Variants in OSBPL2 observed in about 807,000 individuals in gnomAD.
OSBPL2 encodes the protein oxysterol-binding protein-related protein 2.
A neutral mutation model predicts 58.4 loss-of-function variants in OSBPL2; 18 were observed. The observed-to-expected ratio is 0.31, with a 90% confidence interval of 0.21 to 0.46. The LOEUF (loss-of-function observed/expected upper bound fraction) is 0.46. Ranked by LOEUF, OSBPL2 falls within the 20% of genes least tolerant of loss-of-function variation. The probability of loss-of-function intolerance (pLI) is 1.00; values close to 1 mark genes in which losing one functional copy is unlikely to be tolerated. For missense variants in OSBPL2, 461 were observed against 616.5 expected, an observed-to-expected ratio of 0.75 and a Z score of 2.67; for synonymous variants, 221 against 234.1, an observed-to-expected ratio of 0.94 and a Z score of 0.51.
rs567885464 is a variant in OSBPL2, at chr20:62,269,815, G to C, written c.259-2310G>C. Among the ~76,000 whole-genome samples, 6 of 152,282 alleles carry C rather than the reference G, an allele frequency of 3.9e-5. No homozygotes were observed. Among genetic ancestry groups the C allele is most frequent in the African/African-American group, 1.2e-4 (5 of 41,550 alleles). On this transcript the variant is annotated intron_variant, in intron 4 of 13. Coordinates refer to ENST00000313733, the MANE Select transcript of OSBPL2 (RefSeq NM_144498.4). The surrounding 1 kb of genome is among the most constrained non-coding windows in gnomAD (Gnocchi z 4.2). ...GGTCACCTCTCTTCCTGCTTTCCTC[G>C]GCAGCCACATTCCCTTGTGCAGTCT...
intron 1 of OSBPL2, among the ~76,000 whole-genome samples, chr20:62,249,876 A>C (rs889109144): frequency 1.1e-4 from 16 of 152,154 alleles, no homozygotes; most frequent in Admixed American, 3.9e-4. Context: ...ACCTGGCCCC[A>C]CCCAGGCCTC....
intron 1 of OSBPL2, among the ~76,000 whole-genome samples, chr20:62,240,886 T>A (rs1163853613): frequency 2.0e-5 from 3 of 152,196 alleles, no homozygotes; most frequent in Admixed American, 6.5e-5. Flanking sequence ...TCAGTGGTGG[T>A]CTCTGTGTGA....
At chr20:62,249,981 C>G (rs1274443122) in intron 1 of OSBPL2, among the ~76,000 whole-genome samples, 1 of 152,202 alleles carries the variant, frequency 6.6e-6, no homozygotes, top group Non-Finnish European at 1.5e-5. Context: ...TCTGTGCTTC[C>G]CAGCACACCC....
chr20:62,281,595 G>A (rs1982788606), intron 8 of OSBPL2, 195 bp from the exon 9 acceptor site: 3 of 553,116 alleles, frequency 5.4e-6, no homozygotes, highest in African/African-American at 1.9e-5. Flanking sequence ...GTGATTTTTA[G>A]TAAATTGACC....
rs1025461484 is a variant in OSBPL2, at chr20:62,256,041, A to T, written c.-128-16A>T. ...ACTTCTGGAAGCTAAGTATGCCAAA[A>T]TTTTTTTCCCTTTAGATCTTCAGTG... On this transcript the variant is annotated splice_polypyrimidine_tract_variant and intron_variant, in intron 1 of 13. Transcript: ENST00000313733. 23 of 904,046 alleles carry T rather than the reference A, an allele frequency of 2.5e-5. 1 individual carries two copies. Among genetic ancestry groups the T allele is most frequent in the Middle Eastern group, 4.3e-4 (2 of 4,668 alleles). The allele number at this position is 904,046 out of a possible 1,614,324, so 56.0% of individuals were successfully genotyped here. A position where few individuals can be genotyped will look rare whatever the true frequency, so the allele number is the denominator to read the frequency against.
chr20:62,250,473 G>A (rs1452019298), intron 1 of OSBPL2, among the ~76,000 whole-genome samples: 6 of 152,160 alleles, frequency 3.9e-5, no homozygotes, highest in South Asian at 2.1e-4. Flanking sequence ...TGGACCACAC[G>A]GCACAAACAC....
At chr20:62,279,117 C>T in intron 6 of OSBPL2, 40 bp from the exon 7 acceptor site, 1 of 1,538,894 alleles carries the variant, frequency 6.5e-7, no homozygotes. Context: ...TTTTATTTTG[C>T]TGCCATTAAT....
intron 1 of OSBPL2, 38 bp downstream of exon 1, chr20:62,238,635 A>AC (rs1979489469): frequency 9.0e-6 from 1 of 110,840 alleles, no homozygotes; most frequent in Non-Finnish European, 1.8e-5. Context: ...AAGGCCCGGG[A>AC]CCCCGGCGAG....
intron 1 of OSBPL2, among the ~76,000 whole-genome samples, chr20:62,248,123 C>A (rs1426910925): frequency 2.0e-5 from 3 of 147,710 alleles, no homozygotes; most frequent in Non-Finnish European, 3.0e-5. Flanking sequence ...TATTTTCTCT[C>A]TTTTCTTTTT....
chr20:62,242,839 T>C (rs1238842150), intron 1 of OSBPL2, among the ~76,000 whole-genome samples: 1 of 152,198 alleles, frequency 6.6e-6, no homozygotes, highest in African/African-American at 2.4e-5. Context: ...TGTTGTGGGC[T>C]CATACGGGGA....
At chr20:62,247,944 T>C (rs1238270702) in intron 1 of OSBPL2, among the ~76,000 whole-genome samples, 1 of 151,670 alleles carries the variant, frequency 6.6e-6, no homozygotes, top group Admixed American at 6.6e-5. Flanking sequence ...ATTACAGGTG[T>C]GAGCCACTAC....
In OSBPL2 at chr20:62,295,571, G is replaced by C. The variant is rs1031470325; in HGVS notation, c.*1684G>C. ...GTCATCCTCGGGGCCTATGAGCTCC[G>C]TACCAGCCACTCAAAAGTGTCTGAA... On this transcript the variant is annotated 3_prime_UTR_variant, in exon 14 of 14. Coordinates refer to ENST00000313733, the MANE Select transcript of OSBPL2 (RefSeq NM_144498.4). The surrounding 1 kb of genome is among the most constrained non-coding windows in gnomAD (Gnocchi z 4.8). 3 of 152,162 alleles carry C rather than the reference G, an allele frequency of 2.0e-5. No individual in the cohort carries two copies. Among genetic ancestry groups the C allele is most frequent in the Admixed American group, 6.5e-5 (1 of 15,276 alleles). The allele number at this position is 152,162 out of a possible 1,614,324, so 9.4% of individuals were successfully genotyped here. A position where few individuals can be genotyped will look rare whatever the true frequency, so the allele number is the denominator to read the frequency against.
In OSBPL2 at chr20:62,293,904, G is replaced by A; in HGVS notation, c.*17G>A. The A allele has an allele frequency of 3.1e-6, 5 of 1,611,674 alleles. No homozygotes were observed. Among genetic ancestry groups the A allele is most frequent in the Non-Finnish European group, 4.2e-6 (5 of 1,179,134 alleles). On this transcript the variant is annotated 3_prime_UTR_variant, in exon 14 of 14. Transcript: ENST00000313733. The stretch of plus-strand genomic sequence containing the variant: ...ATCTACTGAGGGCCTGGAGGGGCCT[G>A]GGGCCCGGGACCGGAGGCTGACGAG...
At chr20:62,250,994 GC>G (rs1375658012) in intron 1 of OSBPL2, among the ~76,000 whole-genome samples, 3 of 151,018 alleles carry the variant, frequency 2.0e-5, no homozygotes, top group Non-Finnish European at 2.9e-5. Context: ...ATTCTAACTT[GC>G]CTTCTATTCT....
intron 8 of OSBPL2, chr20:62,281,367 G>A (rs1303970874): frequency 1.8e-5 from 10 of 565,688 alleles, no homozygotes; most frequent in Non-Finnish European, 2.9e-5. Context: ...TCAAGACCTC[G>A]TTTTTCGTCA....
intron 1 of OSBPL2, among the ~76,000 whole-genome samples, chr20:62,245,382 C>T (rs944650897): frequency 1.6e-4 from 24 of 152,156 alleles, no homozygotes; most frequent in African/African-American, 4.1e-4. Flanking sequence ...CGTGAGCCAC[C>T]GCGCCCGGCC....
intron 1 of OSBPL2, among the ~76,000 whole-genome samples, chr20:62,244,484 C>T (rs1188909440): frequency 6.6e-6 from 1 of 152,258 alleles, no homozygotes; most frequent in Non-Finnish European, 1.5e-5. Context: ...GCGCCCTGTC[C>T]ATTGCCTTCC....
chr20:62,275,191 C>A (rs151114425), intron 6 of OSBPL2, among the ~76,000 whole-genome samples: 1 of 152,030 alleles, frequency 6.6e-6, no homozygotes, highest in East Asian at 1.9e-4. Flanking sequence ...AGAGCCAGAC[C>A]GTGTCTCTTT....
At chr20:62,260,189 G>T in intron 3 of OSBPL2, 64 bp downstream of exon 3, 1 of 1,519,532 alleles carries the variant, frequency 6.6e-7, no homozygotes. Context: ...ATACTCTGCA[G>T]GGTACCCCTC....
Sources: allele counts gnomAD v4.1 joint callset (sites outside exome capture counted in the v4.1 genomes callset), GRCh38; gene constraint gnomAD v4.1.1; non-coding constraint Gnocchi (gnomAD v3.1); transcripts MANE v1.5; gene names NCBI Gene and HGNC (gene_info 2026-07-23, HGNC 2026-07-21).